Variants in SSH2 observed in about 807,000 individuals in gnomAD.
SSH2 encodes protein phosphatase Slingshot homolog 2.
A neutral mutation model predicts 135.2 loss-of-function variants in SSH2; 37 were observed. That is an observed-to-expected ratio of 0.27 (90% CI 0.21 to 0.36). The LOEUF (loss-of-function observed/expected upper bound fraction) is 0.36, where lower values mean the gene tolerates loss of function less well. Ranked by LOEUF, SSH2 falls within the 10% of genes least tolerant of loss-of-function variation. The pLI, the probability that SSH2 is intolerant of heterozygous loss-of-function variation, is 1.00. For synonymous variants in SSH2, 628 were observed against 646.2 expected (o/e 0.97, Z 0.43); for missense variants, 1,408 against 1,765.3 (o/e 0.80, Z 3.63).
At chr17:29,687,140 GT>G (rs1482684830) in intron 5 of SSH2, among the ~76,000 whole-genome samples, 1 of 152,062 alleles carries the variant, frequency 6.6e-6, no homozygotes, top group Non-Finnish European at 1.5e-5. Flanking sequence ...TGTTCTTGGA[GT>G]CTCCCTCCTG....
rs1379836440 is a variant in SSH2 at position 29,631,029 on chromosome 17, C to T, written c.4165G>A (p.Gly1389Arg). The part of the protein sequence containing the change: ...SSQQYLLPRA[G>R]LELTSSEGGL... ...CCTTCAGAACTAGTCAATTCAAGTC[C>T]TGCCCTGGGGAGCAAATACTGCTGA... Residue 1389 changes from glycine to arginine, a missense_variant, in exon 16 of 16, where the codon GGA becomes AGA. Gly to Arg is a moderately radical substitution (Grantham distance 125, BLOSUM62 -2). Around this residue, in one of 3 missense-constraint regions of SSH2, gnomAD observed 1,080 missense variants for 1,144.5 expected, o/e 0.94. Transcript: ENST00000540801. The T allele has an allele frequency of 1.2e-6, 2 of 1,614,074 alleles. No individual in the cohort carries two copies. The highest frequency in any genetic ancestry group is 1.1e-5 in the South Asian group (1 of 91,094).
chr17:29,782,375 C>T (rs577574395), intron 3 of SSH2, among the ~76,000 whole-genome samples: 1 of 152,270 alleles, frequency 6.6e-6, no homozygotes, highest in East Asian at 1.9e-4. Flanking sequence ...TAATCCCTGT[C>T]CTCATGCTGC....
In SSH2 at chr17:29,629,530, A is replaced by G. The variant is rs1284332879; in HGVS notation, c.*1311T>C. 1 of 152,674 alleles carries G rather than the reference A, an allele frequency of 6.5e-6. No homozygotes were observed. The highest frequency in any genetic ancestry group is 1.5e-5 in the Non-Finnish European group (1 of 68,044). 9.5% of individuals were successfully genotyped at this position (152,674 alleles called of 1,614,324 possible). ...CCATCAACATATTGTACAGATTCCT[A>G]TCAACACCCAACACTTTCATTTCTG... On this transcript the variant is annotated 3_prime_UTR_variant, in exon 16 of 16. Coordinates refer to ENST00000540801, the MANE Select transcript of SSH2 (RefSeq NM_001282129.2).
rs150919956 is a variant in SSH2 at position 29,905,049 on chromosome 17, C to T, written c.63+24889G>A. 2.3e-3 allele frequency among the ~76,000 whole-genome samples: 344 copies of T among 152,234 alleles called. 2 individuals carry two copies. Among genetic ancestry groups the T allele is most frequent in the Non-Finnish European group, 2.6e-3 (177 of 68,014 alleles). ...CCATGCTGATAGGAAGAATCAATAT[C>T]GTTAAAATGGCCATATTACTTAAAG... On this transcript the variant is annotated intron_variant, in intron 1 of 15. Transcript: ENST00000540801.
chr17:29,920,382 A>C (rs1347615745), intron 1 of SSH2, among the ~76,000 whole-genome samples: 1 of 152,246 alleles, frequency 6.6e-6, no homozygotes, highest in African/African-American at 2.4e-5. Flanking sequence ...CAGGTACTTG[A>C]GTGAAAATTC....
chr17:29,658,005 ATT>A (rs34973345), intron 11 of SSH2, among the ~76,000 whole-genome samples: 13 of 121,482 alleles, frequency 1.1e-4, no homozygotes, highest in Non-Finnish European at 1.1e-4. Flanking sequence ...CACAATCTGT[ATT>A]TTTTTTTTTT....
chr17:29,918,335 C>A (rs2066918459), intron 1 of SSH2, among the ~76,000 whole-genome samples: 1 of 152,142 alleles, frequency 6.6e-6, no homozygotes, highest in Non-Finnish European at 1.5e-5. Context: ...AGTCTAGACA[C>A]CTCCCTGAGA....
intron 3 of SSH2, among the ~76,000 whole-genome samples, chr17:29,707,607 C>G (rs1402891720): frequency 6.6e-6 from 1 of 151,476 alleles, no homozygotes; most frequent in Non-Finnish European, 1.5e-5. Context: ...CTCACTGCAA[C>G]CTCTGCCTCC....
rs2035638683 is a variant in SSH2 at position 29,630,960 on chromosome 17, G to C, written c.4234C>G (p.Pro1412Ala). ...GGTGCCACGGCCAGCCCTGGAGCTG[G>C]GCATGCACACTGCAGTCCCTGGGTC... ...LQTQGLQCAC[P>A]APGLAVAPRQ... is the part of the protein sequence containing the mutation. Residue 1412 changes from proline (P) to alanine (A), a missense_variant, in exon 16 of 16, where the codon CCA becomes GCA. Around this residue, in one of 3 missense-constraint regions of SSH2, gnomAD observed 1,080 missense variants for 1,144.5 expected, o/e 0.94. Transcript: ENST00000540801. 1.2e-6 allele frequency: 2 copies of C among 1,612,780 alleles called. No individual in the cohort carries two copies. Among genetic ancestry groups the C allele is most frequent in the African/African-American group, 2.7e-5 (2 of 74,888 alleles).
intron 2 of SSH2, among the ~76,000 whole-genome samples, chr17:29,848,024 T>G (rs1244490349): frequency 1.3e-5 from 2 of 152,198 alleles, no homozygotes; most frequent in Non-Finnish European, 2.9e-5. Flanking sequence ...GCAGTACTGT[T>G]CAATAAAAGA....
intron 7 of SSH2, among the ~76,000 whole-genome samples, chr17:29,677,105 T>C (rs889339049): frequency 6.6e-6 from 1 of 152,344 alleles, no homozygotes; most frequent in Non-Finnish European, 1.5e-5. Context: ...GATTCCTATA[T>C]TGGAGTTAGA....
At chr17:29,676,435 C>CAAA in intron 8 of SSH2, 1 of 123,100 alleles carries the variant, frequency 8.1e-6, no homozygotes, top group Non-Finnish European at 1.7e-5. Context: ...GGCTTCGTCT[C>CAAA]AAAAAAAAAA....
intron 2 of SSH2, among the ~76,000 whole-genome samples, chr17:29,848,411 T>G (rs1196387600): frequency 6.6e-6 from 1 of 152,056 alleles, no homozygotes; most frequent in African/African-American, 2.4e-5. Flanking sequence ...ACATTATCAA[T>G]AGCTAAGACA....
At chr17:29,699,051 A>C (rs1053985378) in intron 4 of SSH2, among the ~76,000 whole-genome samples, 8 of 152,216 alleles carry the variant, frequency 5.3e-5, no homozygotes, top group African/African-American at 1.9e-4. Context: ...TACTGCTCTG[A>C]GCAAACTGCA....
Position 29,793,931 on chromosome 17 carries a change from C to T in SSH2, c.151G>A (p.Asp51Asn), listed in dbSNP as rs767121380. ...SEIFTDSNEA[D>N]SGEEECRSQP... is the part of the protein sequence containing the mutation. ...GACCGGCATTCTTCCTCCCCACTGT[C>T]TGCCTCCTGTATAGACAGAAAATGA... The change falls in exon 3 of 16, where the codon GAC (aspartate) becomes AAC (asparagine). Residue 51 changes from aspartate to asparagine, a missense_variant. Physicochemically the swap from Asp to Asn is conservative, Grantham distance 23. This residue lies in a region of SSH2 where 222 missense variants were observed against 355.6 expected (regional missense o/e 0.62). Transcript: ENST00000540801. 1.2e-6 allele frequency: 2 copies of T among 1,613,060 alleles called. No individual in the cohort carries two copies. Among genetic ancestry groups the T allele is most frequent in the South Asian group, 2.2e-5 (2 of 91,052 alleles).
chr17:29,882,742 A>G (rs1463590837), intron 1 of SSH2, among the ~76,000 whole-genome samples: 2 of 151,992 alleles, frequency 1.3e-5, no homozygotes, highest in African/African-American at 4.8e-5. Flanking sequence ...ACAGAGCAAA[A>G]CTCCATCTCA....
chr17:29,724,714 C>G, intron 3 of SSH2, among the ~76,000 whole-genome samples: 1 of 150,014 alleles, frequency 6.7e-6, no homozygotes, highest in Non-Finnish European at 1.5e-5. Context: ...CTCTGCCTCC[C>G]GAGTAGCTGG....
Position 29,632,057 on chromosome 17 carries a change from G to T in SSH2, c.3137C>A (p.Thr1046Lys). ...VEIIEYTHIV[T>K]SPNHTGPGSE... ...CCCTGGCCCAGTGTGATTGGGTGAT[G>T]TAACTATGTGGGTATATTCAATGAT... The change falls in exon 16 of 16, where the codon ACA (threonine) becomes AAA (lysine). Residue 1046 changes from threonine (T) to lysine (K), a missense_variant. Physicochemically the swap from Thr to Lys is moderately conservative, Grantham distance 78. Transcript: ENST00000540801. 1 of 1,614,224 alleles carries T rather than the reference G, an allele frequency of 6.2e-7. No individual in the cohort carries two copies. The highest frequency in any genetic ancestry group is 1.1e-5 in the South Asian group (1 of 91,086).
intron 1 of SSH2, among the ~76,000 whole-genome samples, chr17:29,899,463 G>C (rs1419628941): frequency 9.4e-5 from 14 of 149,354 alleles, no homozygotes; most frequent in Middle Eastern, 3.4e-3. Flanking sequence ...GCAAAAATCA[G>C]AAGCATTCTT....
Sources: allele counts gnomAD v4.1 joint callset (sites outside exome capture counted in the v4.1 genomes callset), GRCh38; gene constraint gnomAD v4.1.1; regional missense constraint gnomAD v4.1.1; transcripts MANE v1.5; gene names NCBI Gene and HGNC (gene_info 2026-07-23, HGNC 2026-07-21).